TRPM3: variants seen among roughly 807,000 people sequenced by gnomAD.
TRPM3 encodes transient receptor potential cation channel subfamily M member 3.
A neutral mutation model predicts 181.2 loss-of-function variants in TRPM3; 77 were observed. That is an observed-to-expected ratio of 0.42 (90% confidence interval 0.35 to 0.51). TRPM3 has a LOEUF of 0.51. Among genes scored for constraint, TRPM3 ranks in the 20% least tolerant of loss-of-function variants. TRPM3 has a pLI of 0.01. For missense variants in TRPM3, 1,759 were observed against 2,196.7 expected, an observed-to-expected ratio of 0.80 and a Z score of 3.98; for synonymous variants, 745 against 796.4, an observed-to-expected ratio of 0.94 and a Z score of 1.09.
chr9:71,149,230 T>C (rs559105973), intron 1 of TRPM3, among the ~76,000 whole-genome samples: 123 of 151,946 alleles, frequency 8.1e-4, no homozygotes, highest in African/African-American at 2.8e-3. Flanking sequence ...GGAGATCCAG[T>C]CTCTACAAAA....
chr9:71,194,610 C>T (rs1362992742), intron 1 of TRPM3, among the ~76,000 whole-genome samples: 1 of 151,914 alleles, frequency 6.6e-6, no homozygotes, highest in East Asian at 1.9e-4. Context: ...CAACCAGGAA[C>T]ATACTGAACT....
intron 1 of TRPM3, among the ~76,000 whole-genome samples, chr9:71,433,522 C>T (rs189603482): frequency 3.0e-3 from 454 of 152,308 alleles, no homozygotes; most frequent in African/African-American, 8.2e-3. Context: ...TACCCACTCT[C>T]GGGTATGTCT....
intron 1 of TRPM3, among the ~76,000 whole-genome samples, chr9:71,106,939 C>T (rs2069736003): frequency 6.6e-6 from 1 of 152,132 alleles, no homozygotes; most frequent in South Asian, 2.1e-4. Flanking sequence ...CCTGCAGTGG[C>T]TGAGCAATTC....
At chr9:70,672,091 A>C (rs2063069901) in intron 9 of TRPM3, among the ~76,000 whole-genome samples, 1 of 152,060 alleles carries the variant, frequency 6.6e-6, no homozygotes, top group African/African-American at 2.4e-5. Flanking sequence ...TTTTAGTCTT[A>C]CCAGCATCCT....
intron 1 of TRPM3, among the ~76,000 whole-genome samples, chr9:71,083,111 C>T (rs920441943): frequency 9.2e-5 from 14 of 151,932 alleles, no homozygotes; most frequent in African/African-American, 2.9e-4. Flanking sequence ...AGCTTAAAGA[C>T]GTATGAGCCT....
intron 1 of TRPM3, among the ~76,000 whole-genome samples, chr9:70,907,713 C>A (rs1008217771): frequency 6.6e-6 from 1 of 152,156 alleles, no homozygotes; most frequent in Non-Finnish European, 1.5e-5. Flanking sequence ...TCTTTATCCC[C>A]CCTTTTCAGG....
At chr9:71,227,039 AG>A (rs2080712311) in intron 1 of TRPM3, among the ~76,000 whole-genome samples, 1 of 136,664 alleles carries the variant, frequency 7.3e-6, no homozygotes, top group Admixed American at 8.1e-5. Flanking sequence ...AACCTGGGAG[AG>A]GGAGGTTGCA....
intron 8 of TRPM3, among the ~76,000 whole-genome samples, chr9:70,688,526 G>C (rs1048706953): frequency 1.3e-5 from 2 of 152,022 alleles, no homozygotes; most frequent in Non-Finnish European, 2.9e-5. Flanking sequence ...CTACTTATTA[G>C]TGAAAACATA....
intron 21 of TRPM3, 101 bp from the exon 22 acceptor site, chr9:70,591,306 C>G: frequency 1.1e-6 from 1 of 929,702 alleles, no homozygotes. Flanking sequence ...AGGAGGTCCA[C>G]TTTCTAGACT....
At chr9:70,819,006 T>C (rs915502945) in intron 6 of TRPM3, among the ~76,000 whole-genome samples, 1 of 152,214 alleles carries the variant, frequency 6.6e-6, no homozygotes, top group Non-Finnish European at 1.5e-5. Context: ...CCTCTACATA[T>C]GTCTTTACAC....
chr9:70,858,205 ATTTCAAC>A (rs1381182137), intron 3 of TRPM3, among the ~76,000 whole-genome samples: 1 of 152,158 alleles, frequency 6.6e-6, no homozygotes, highest in Non-Finnish European at 1.5e-5. Flanking sequence ...GTTAAAAATA[ATTTCAAC>A]TTTCAAGTAT....
At chr9:71,169,789 G>A (rs947644736) in intron 1 of TRPM3, among the ~76,000 whole-genome samples, 10 of 151,220 alleles carry the variant, frequency 6.6e-5, no homozygotes, top group Admixed American at 2.0e-4. Context: ...ACCCCTTCTC[G>A]GTTTAGTATA....
chr9:70,776,267 G>A, intron 7 of TRPM3: 1 of 476,760 alleles, frequency 2.1e-6, no homozygotes. Context: ...AGACAAGTGG[G>A]AGGTTAGGAC....
chr9:70,537,783 G>A (rs1472552650), intron 25 of TRPM3, among the ~76,000 whole-genome samples: 1 of 152,036 alleles, frequency 6.6e-6, no homozygotes, highest in East Asian at 1.9e-4. Flanking sequence ...CTTGGGGCAG[G>A]GTGCAATGAC....
chr9:71,227,683 G>T (rs998248476), intron 1 of TRPM3, among the ~76,000 whole-genome samples: 3 of 151,862 alleles, frequency 2.0e-5, no homozygotes, highest in African/African-American at 7.3e-5. Flanking sequence ...GAAATCCAAA[G>T]GATCATTAGA....
chr9:70,610,153 G>GCA (rs904167809), intron 19 of TRPM3, among the ~76,000 whole-genome samples: 100 of 151,578 alleles, frequency 6.6e-4, no homozygotes, highest in East Asian at 3.5e-3. Context: ...AGTTACACAT[G>GCA]CACACACACG....
intron 1 of TRPM3, among the ~76,000 whole-genome samples, chr9:71,346,885 A>C (rs967771081): frequency 1.7e-4 from 1 of 5,762 alleles, no homozygotes; most frequent in African/African-American, 2.5e-4. Flanking sequence ...TCGTATTTTT[A>C]TTTTCTGGGC....
chr9:71,286,937 T>G (rs1434100241), intron 1 of TRPM3, among the ~76,000 whole-genome samples: 2 of 142,594 alleles, frequency 1.4e-5, no homozygotes, highest in Non-Finnish European at 3.0e-5. Flanking sequence ...CTTTTATATA[T>G]ATATAATTTA....
At chr9:71,420,978 A>AGAGAGAAAAAGG (rs2093755617) in intron 1 of TRPM3, among the ~76,000 whole-genome samples, 4 of 59,748 alleles carry the variant, frequency 6.7e-5, no homozygotes, top group Admixed American at 3.6e-4. Context: ...AGAGAAAAAG[A>AGAGAGAAAAAGG]GAGAGAAAAA....
Sources: gnomAD v4.1 joint callset for allele counts (sites outside exome capture counted in the v4.1 genomes callset) on GRCh38, gnomAD v4.1.1 for gene constraint, MANE v1.5 for transcripts, NCBI Gene and HGNC (gene_info 2026-07-23, HGNC 2026-07-21) for gene names.